The following NCALD variants were observed in gnomAD, a reference collection of about 807,000 sequenced individuals.
NCALD encodes the protein neurocalcin delta.
NCALD carries 10 observed loss-of-function variants against 18.6 expected under a neutral mutation model. That is an observed-to-expected ratio of 0.54 (90% CI 0.33 to 0.91). The LOEUF (loss-of-function observed/expected upper bound fraction) is 0.91, where lower values mean the gene tolerates loss of function less well. Among genes scored for constraint, NCALD ranks in the 40% least tolerant of loss-of-function variants. NCALD has a pLI of 0.03. For missense variants in NCALD, 184 were observed against 247.6 expected (o/e 0.74, Z 1.72); for synonymous variants, 88 against 87.4 (o/e 1.01, Z -0.04).
intron 4 of NCALD, among the ~76,000 whole-genome samples, chr8:101,873,119 TC>T (rs1816088309): frequency 4.6e-5 from 7 of 152,238 alleles, no homozygotes; most frequent in Admixed American, 4.6e-4. Flanking sequence ...GCCATTGACT[TC>T]TGTTTTTTAA....
chr8:102,047,932 C>T (rs1330456508), intron 1 of NCALD, among the ~76,000 whole-genome samples: 2 of 152,026 alleles, frequency 1.3e-5, no homozygotes, highest in East Asian at 3.9e-4. Flanking sequence ...TTTATTCTTA[C>T]CAGCTTTTGA....
chr8:102,062,866 C>T (rs914618130), intron 1 of NCALD, among the ~76,000 whole-genome samples: 1 of 152,154 alleles, frequency 6.6e-6, no homozygotes, highest in African/African-American at 2.4e-5. Context: ...CATGGCCAAG[C>T]CCAGCATGTG....
chr8:101,798,131 C>A lies in NCALD; in HGVS notation c.-19-78483G>T, dbSNP rs1586531285. ...AGGATGTACACTCTCACCACTGATT[C>A]AACAGCATGCCAAAAGTTCTAGCCA... On this transcript the variant is annotated intron_variant, in intron 4 of 6. Transcript: ENST00000311028. Among the ~76,000 whole-genome samples the A allele has an allele frequency of 1.3e-5, 2 of 152,250 alleles. 1 individual carries two copies. Among genetic ancestry groups the A allele is most frequent in the South Asian group, 4.1e-4 (2 of 4,820 alleles).
intron 2 of NCALD, among the ~76,000 whole-genome samples, chr8:101,972,398 T>C (rs959713520): frequency 3.9e-5 from 6 of 152,184 alleles, no homozygotes; most frequent in African/African-American, 1.4e-4. Flanking sequence ...GGGGATTAAA[T>C]GAGATAACCC....
At chr8:101,830,740 CTTT>C (rs750459094) in intron 4 of NCALD, among the ~76,000 whole-genome samples, 10 of 132,046 alleles carry the variant, frequency 7.6e-5, no homozygotes, top group South Asian at 2.5e-4. Flanking sequence ...GAGAGGAATA[CTTT>C]TTTTTTTTTT....
In NCALD at chr8:101,822,131, C is replaced by T. The variant is rs142312534; in HGVS notation, c.-20+65010G>A. On this transcript the variant is annotated intron_variant, in intron 4 of 6. Transcript: ENST00000311028. Reference sequence around the variant, plus strand: ...TAAAAGCATAAATCAATGTCAGTTGCCTTCCTTCCAAAACCTTCTAAAGAA... The same window carrying T: ...TAAAAGCATAAATCAATGTCAGTTGTCTTCCTTCCAAAACCTTCTAAAGAA... 3.2e-4 allele frequency among the ~76,000 whole-genome samples: 48 copies of T among 152,258 alleles called. 1 individual carries two copies. The East Asian group carries it at 8.5e-3, about 27-fold the overall frequency.
chr8:101,909,661 TTTCAGAAACTTCTGAAAAG>T (rs747069356), intron 3 of NCALD, among the ~76,000 whole-genome samples: 1 of 152,164 alleles, frequency 6.6e-6, no homozygotes, highest in Non-Finnish European at 1.5e-5. Flanking sequence ...CCTCTGAAAT[TTTCAGAAACTTCTGAAAAG>T]TTCAGAAACT....
intron 2 of NCALD, among the ~76,000 whole-genome samples, chr8:102,010,629 A>G (rs1349774738): frequency 6.6e-6 from 1 of 152,218 alleles, no homozygotes; most frequent in Non-Finnish European, 1.5e-5. Flanking sequence ...TTAGCCTGAA[A>G]AACCAGGAAG....
At chr8:101,706,744 A>G (rs1408468723) in intron 2 of NCALD, among the ~76,000 whole-genome samples, 3 of 152,228 alleles carry the variant, frequency 2.0e-5, no homozygotes, top group Admixed American at 2.0e-4. Flanking sequence ...GGCAGAGAAT[A>G]CAGTGATGCA....
intron 1 of NCALD, among the ~76,000 whole-genome samples, chr8:102,085,151 A>T (rs1824694715): frequency 6.6e-6 from 1 of 152,162 alleles, no homozygotes; most frequent in African/African-American, 2.4e-5. Flanking sequence ...TCTCAACCTC[A>T]ACACTATTAA....
intron 1 of NCALD, among the ~76,000 whole-genome samples, chr8:102,027,655 C>T (rs891124275): frequency 9.2e-5 from 14 of 152,120 alleles, no homozygotes; most frequent in East Asian, 3.9e-4. Flanking sequence ...TTTACAGCAG[C>T]GCCCTACACC....
chr8:101,786,915 T>A (rs1374992070), intron 1 of NCALD, among the ~76,000 whole-genome samples: 1 of 152,196 alleles, frequency 6.6e-6, no homozygotes, highest in African/African-American at 2.4e-5. Context: ...AAGGCACTTA[T>A]GAAAATACAT....
intron 1 of NCALD, among the ~76,000 whole-genome samples, chr8:102,040,416 G>A (rs763509307): frequency 2.0e-5 from 3 of 151,536 alleles, no homozygotes; most frequent in Non-Finnish European, 4.4e-5. Context: ...AGAGGTTGCT[G>A]TGAGCCAAGA....
intron 2 of NCALD, among the ~76,000 whole-genome samples, chr8:101,924,978 T>C (rs755942100): frequency 7.9e-5 from 12 of 152,164 alleles, no homozygotes; most frequent in Non-Finnish European, 1.3e-4. Context: ...CGATGTTGAT[T>C]CTGTGACTTC....
chr8:101,807,262 T>C (rs1459962475), intron 4 of NCALD, among the ~76,000 whole-genome samples: 2 of 152,160 alleles, frequency 1.3e-5, no homozygotes, highest in African/African-American at 4.8e-5. Context: ...TTCTTCTTCT[T>C]TCTTCTCTTG....
chr8:101,873,377 C>T (rs1234276324), intron 4 of NCALD, among the ~76,000 whole-genome samples: 3 of 152,154 alleles, frequency 2.0e-5, no homozygotes, highest in Admixed American at 1.3e-4. Context: ...GTGATGCTTC[C>T]CAAAGTGTGC....
intron 2 of NCALD, among the ~76,000 whole-genome samples, chr8:102,019,423 A>G (rs934289056): frequency 3.3e-5 from 5 of 152,160 alleles, no homozygotes; most frequent in African/African-American, 1.2e-4. Flanking sequence ...CCCCTCCTGC[A>G]TATGTATTCA....
chr8:101,826,938 T>C (rs1490695873), intron 4 of NCALD, among the ~76,000 whole-genome samples: 1 of 152,216 alleles, frequency 6.6e-6, no homozygotes, highest in East Asian at 1.9e-4. Flanking sequence ...AAGAAATAGA[T>C]TAAAGCTACT....
chr8:102,035,920 T>C (rs553614057), intron 1 of NCALD, among the ~76,000 whole-genome samples: 1 of 152,086 alleles, frequency 6.6e-6, no homozygotes, highest in South Asian at 2.1e-4. Context: ...ATATTGTCGC[T>C]ATAGAAACAT....
Sources: allele counts gnomAD v4.1 joint callset (sites outside exome capture counted in the v4.1 genomes callset), GRCh38; gene constraint gnomAD v4.1.1; transcripts MANE v1.5; gene names NCBI Gene and HGNC (gene_info 2026-07-23, HGNC 2026-07-21).